USH2A: variants seen among roughly 807,000 people sequenced by gnomAD.
USH2A encodes the protein Usher syndrome 2A (autosomal recessive, mild).
A neutral mutation model predicts 538.9 loss-of-function variants in USH2A; 443 were observed. The observed-to-expected ratio is 0.82, with a 90% CI of 0.76 to 0.89. The LOEUF (loss-of-function observed/expected upper bound fraction) is 0.89, where lower values mean the gene tolerates loss of function less well. Ranked by LOEUF, USH2A falls within the 40% of genes least tolerant of loss-of-function variation. The pLI, the probability that USH2A is intolerant of heterozygous loss-of-function variation, is 0.00. For missense variants in USH2A, 6,633 were observed against 6,324.8 expected (o/e 1.05, Z -1.65); for synonymous variants, 2,413 against 2,273.5 (o/e 1.06, Z -1.75).
rs376302401 is a variant in USH2A at position 215,670,962 on chromosome 1, C to A, written c.14133+10G>T. ...ATCAGCTCGAATTGTTTATAATACA[C>A]ATTTCTTACCTGATACTCATACTCT... On this transcript the variant is annotated intron_variant, in intron 64 of 71. Coordinates refer to ENST00000307340, the MANE Select transcript of USH2A (RefSeq NM_206933.4). 41 of 1,613,610 alleles carry A rather than the reference C, an allele frequency of 2.5e-5. No individual in the cohort carries two copies. In the Middle Eastern group the frequency reaches 1.3e-3, roughly 52 times the overall value.
intron 3 of USH2A, among the ~76,000 whole-genome samples, chr1:216,413,197 C>T (rs2039520110): frequency 6.6e-6 from 1 of 151,972 alleles, no homozygotes; most frequent in African/African-American, 2.4e-5. Context: ...TACTTACACA[C>T]ACATACACAC....
intron 32 of USH2A, among the ~76,000 whole-genome samples, chr1:216,006,321 C>T (rs1668390568): frequency 6.6e-6 from 1 of 152,276 alleles, no homozygotes; most frequent in Middle Eastern, 3.4e-3. Flanking sequence ...TCCTATGCCG[C>T]TACACAATGT....
intron 16 of USH2A, among the ~76,000 whole-genome samples, chr1:216,206,139 A>C (rs904998880): frequency 6.6e-6 from 1 of 152,164 alleles, no homozygotes; most frequent in Admixed American, 6.5e-5. Context: ...GAATTAAAAA[A>C]CTTGAATTCA....
chr1:216,026,956 T>C (rs188707010), intron 32 of USH2A, among the ~76,000 whole-genome samples: 6 of 152,268 alleles, frequency 3.9e-5, no homozygotes, highest in Admixed American at 1.3e-4. Context: ...CTTGAAAATA[T>C]TTTGTTCTTA....
intron 4 of USH2A, among the ~76,000 whole-genome samples, chr1:216,354,609 G>A (rs2038346576): frequency 6.6e-6 from 1 of 152,084 alleles, no homozygotes; most frequent in African/African-American, 2.4e-5. Flanking sequence ...TTTGCTAGAT[G>A]GGCTTAGCAG....
At chr1:215,989,829 C>A (rs1667962778) in intron 35 of USH2A, among the ~76,000 whole-genome samples, 1 of 151,864 alleles carries the variant, frequency 6.6e-6, no homozygotes, top group South Asian at 2.1e-4. Flanking sequence ...TAAGATGTAA[C>A]AAAAATCCAG....
intron 11 of USH2A, among the ~76,000 whole-genome samples, chr1:216,285,739 G>A (rs1390941745): frequency 3.9e-5 from 6 of 152,226 alleles, no homozygotes; most frequent in South Asian, 2.1e-4. Context: ...CACAGGGGCC[G>A]AGCTGCCCAA....
intron 61 of USH2A, among the ~76,000 whole-genome samples, chr1:215,710,580 G>A (rs529324553): frequency 6.6e-6 from 1 of 152,028 alleles, no homozygotes; most frequent in East Asian, 1.9e-4. Context: ...GAAAGGAAAG[G>A]GTCCTACGGC....
At chr1:215,672,245 C>A (rs1456020890) in intron 63 of USH2A, among the ~76,000 whole-genome samples, 2 of 152,136 alleles carry the variant, frequency 1.3e-5, no homozygotes, top group African/African-American at 4.8e-5. Flanking sequence ...ACCCAGCTAT[C>A]TTCTTTCTAC....
intron 3 of USH2A, among the ~76,000 whole-genome samples, 191 bp downstream of exon 3, chr1:216,418,323 G>A (rs1035083766): frequency 6.6e-6 from 1 of 151,976 alleles, no homozygotes; most frequent in Non-Finnish European, 1.5e-5. Context: ...TTTTGGGGGA[G>A]GAAATGCTAG....
intron 50 of USH2A, among the ~76,000 whole-genome samples, chr1:215,796,374 C>T (rs4284237): frequency 0.36 from 54,701 of 151,750 alleles, 10,909 homozygotes; most frequent in Admixed American, 0.51. Context: ...TTTGATGATT[C>T]TCACAATATT....
At chr1:216,117,259 G>C (rs2033031151) in intron 21 of USH2A, among the ~76,000 whole-genome samples, 2 of 152,210 alleles carry the variant, frequency 1.3e-5, no homozygotes, top group Middle Eastern at 3.4e-3. Flanking sequence ...ATTATGGTCA[G>C]ACTGCAATAT....
intron 60 of USH2A, among the ~76,000 whole-genome samples, chr1:215,739,398 A>G (rs1660240863): frequency 6.6e-6 from 1 of 152,172 alleles, no homozygotes; most frequent in Admixed American, 6.5e-5. Flanking sequence ...TTCCCTCTCT[A>G]TAGCTGCCAT....
At position 216,198,564 on chromosome 1, in the gene USH2A, G is replaced by A. The variant is rs201537953; in HGVS notation, c.3832C>T (p.Leu1278=). Residue 1278 remains leucine (L), a synonymous_variant, in exon 18 of 72, where the codon CTA becomes TTA. Transcript: ENST00000307340. ...ELNGIIIRYE[L]YMRRLRSTKE... ...GTAGATCTCAGTCTTCTCATGTATA[G>A]TTCATATCTTATAATTATTCCTAGA... 7 of 1,613,220 alleles carry A rather than the reference G, an allele frequency of 4.3e-6. No individual in the cohort carries two copies. The highest frequency in any genetic ancestry group is 1.3e-5 in the African/African-American group (1 of 75,022).
chr1:215,699,568 T>C (rs1658937055), intron 61 of USH2A, among the ~76,000 whole-genome samples: 1 of 152,178 alleles, frequency 6.6e-6, no homozygotes, highest in Non-Finnish European at 1.5e-5. Flanking sequence ...GGTATTTTGT[T>C]TTCTTTGTAG....
chr1:216,034,669 CCAGGATACCACTGACTGA>C (rs1669204666), intron 32 of USH2A, among the ~76,000 whole-genome samples: 1 of 152,036 alleles, frequency 6.6e-6, no homozygotes, highest in South Asian at 2.1e-4. Flanking sequence ...CCACTGACTG[CCAGGATACCACTGACTGA>C]CAGACACCTG....
Position 215,639,054 on chromosome 1 carries a change from A to G in USH2A, c.15052+101T>C, listed in dbSNP as rs1192302693. 6 of 1,131,626 alleles carry G rather than the reference A, an allele frequency of 5.3e-6. No homozygotes were observed. In the Admixed American group the frequency reaches 6.7e-5, roughly 13 times the overall value. 70.1% of individuals were successfully genotyped at this position (1,131,626 alleles called of 1,614,324 possible). On this transcript the variant is annotated intron_variant, in intron 69 of 71. Transcript: ENST00000307340. ...TGGCACAATTTCTTCTGTATAGTCT[A>G]TGCTAATATATTAGGACTCCAAGTA...
At chr1:215,869,268 G>T (rs923170499) in intron 43 of USH2A, among the ~76,000 whole-genome samples, 1 of 152,092 alleles carries the variant, frequency 6.6e-6, no homozygotes, top group African/African-American at 2.4e-5. Flanking sequence ...TTCAGAGCCT[G>T]CTCTTTTAAC....
chr1:216,304,444 A>T (rs1412449512), intron 9 of USH2A, among the ~76,000 whole-genome samples: 1 of 151,976 alleles, frequency 6.6e-6, no homozygotes, highest in East Asian at 1.9e-4. Flanking sequence ...TTTGACAGCA[A>T]ATCTAGCACT....
Sources: allele counts gnomAD v4.1 joint callset (sites outside exome capture counted in the v4.1 genomes callset), GRCh38; gene constraint gnomAD v4.1.1; transcripts MANE v1.5; gene names NCBI Gene and HGNC (gene_info 2026-07-23, HGNC 2026-07-21).